SPDYE4: variants seen among roughly 807,000 people sequenced by gnomAD.
SPDYE4 encodes the protein speedy protein E4.
In SPDYE4, 30 loss-of-function variants were observed where a neutral mutation model predicts 37.5. The observed-to-expected ratio is 0.80, with a 90% CI of 0.60 to 1.09. SPDYE4 has a LOEUF of 1.09. SPDYE4 is among the 50% of genes least tolerant of loss of function. SPDYE4 has a pLI of 0.00. For missense variants in SPDYE4, 300 were observed against 307.9 expected, an observed-to-expected ratio of 0.97 and a Z score of 0.19; for synonymous variants, 131 against 120.3, an observed-to-expected ratio of 1.09 and a Z score of -0.58.
Position 8,750,986 on chromosome 17 carries a change from A to T in SPDYE4, c.*1296T>A, listed in dbSNP as rs1012112498. Among the ~76,000 whole-genome samples the T allele has an allele frequency of 5.3e-5, 8 of 152,204 alleles. No homozygotes were observed. The highest frequency in any genetic ancestry group is 1.9e-4 in the African/African-American group (8 of 41,446). ...AAGTAACATACAAACCTTTCAATACAAGCTAAAAAATTACGTCTGAATTCT... is the reference window on the plus strand; with the variant it reads ...AAGTAACATACAAACCTTTCAATACTAGCTAAAAAATTACGTCTGAATTCT... On this transcript the variant is annotated 3_prime_UTR_variant, in exon 7 of 7. Coordinates refer to ENST00000689094, the MANE Select transcript of SPDYE4 (RefSeq NM_001394956.1).
intron 4 of SPDYE4, 55 bp downstream of exon 4, chr17:8,755,465 G>T (rs186129667): frequency 3.8e-6 from 6 of 1,570,058 alleles, no homozygotes; most frequent in Non-Finnish European, 5.2e-6. Context: ...ATCCCACTTC[G>T]TCCACTGTCC....
rs371207062 is a variant in SPDYE4, at chr17:8,755,467, C to G, written c.485+53G>C. 841 of 1,576,096 alleles carry G rather than the reference C, an allele frequency of 5.3e-4. 2 individuals carry two copies. Among genetic ancestry groups the G allele is most frequent in the Non-Finnish European group, 6.8e-4 (787 of 1,152,974 alleles). ...ATGGAAGGTTGGAATCCCACTTCGT[C>G]CACTGTCCCAGGGTGTTGGATATTG... On this transcript the variant is annotated intron_variant, in intron 4 of 6. Coordinates refer to ENST00000689094, the MANE Select transcript of SPDYE4 (RefSeq NM_001394956.1).
intron 2 of SPDYE4, 65 bp downstream of exon 2, chr17:8,757,197 T>A: frequency 2.1e-6 from 3 of 1,444,828 alleles, no homozygotes; most frequent in Non-Finnish European, 2.8e-6. Flanking sequence ...GAAAGTGTGA[T>A]TATTGAAAGA....
chr17:8,758,394 A>C lies in SPDYE4; in HGVS notation c.-12T>G. 6.5e-7 allele frequency: 1 copy of C among 1,550,308 alleles called. No individual in the cohort carries two copies. Among genetic ancestry groups the C allele is most frequent in the Non-Finnish European group, 8.7e-7 (1 of 1,145,710 alleles). On this transcript the variant is annotated 5_prime_UTR_variant, in exon 1 of 7. Transcript: ENST00000689094. The stretch of plus-strand genomic sequence containing the variant: ...TGACCACTGGCCATAATCTCTCCCA[A>C]ACACTTTGTTTCTGTCCACAAAACC...
rs777433805 is a variant in SPDYE4 at position 8,757,383 on chromosome 17, G to A, written c.219C>T (p.Arg73=). 10 of 1,592,816 alleles carry A rather than the reference G, an allele frequency of 6.3e-6. No homozygotes were observed. Among genetic ancestry groups the A allele is most frequent in the South Asian group, 2.3e-5 (2 of 88,422 alleles). The change falls in exon 2 of 7, where the codon CGC becomes CGT. Residue 73 remains arginine, a synonymous_variant. Coordinates refer to ENST00000689094, the MANE Select transcript of SPDYE4 (RefSeq NM_001394956.1). ...CCCAGGTGTCCTCGGGCTCAGGGGCGCGCTCCAACTCCAGCTCCTCCTCCA... is the reference window on the plus strand; with the variant it reads ...CCCAGGTGTCCTCGGGCTCAGGGGCACGCTCCAACTCCAGCTCCTCCTCCA... ...EELEEELELE[R]APEPEDTWVV... is the part of the protein sequence containing the mutation.
Position 8,758,441 on chromosome 17 carries a change from C to T in SPDYE4, c.-59G>A. Reference sequence around the variant, plus strand: ...AACCTAGTCCCTGTTCTGTCCAAAGCCTTCTTCCAGACTCCGTTAGGACCC... The same window carrying T: ...AACCTAGTCCCTGTTCTGTCCAAAGTCTTCTTCCAGACTCCGTTAGGACCC... On this transcript the variant is annotated 5_prime_UTR_variant, in exon 1 of 7. Coordinates refer to ENST00000689094, the MANE Select transcript of SPDYE4 (RefSeq NM_001394956.1). 6.7e-7 allele frequency: 1 copy of T among 1,483,368 alleles called. No homozygotes were observed. Among genetic ancestry groups the T allele is most frequent in the Admixed American group, 2.0e-5 (1 of 50,874 alleles). 91.9% of individuals were successfully genotyped at this position (1,483,368 alleles called of 1,614,324 possible). A position where few individuals can be genotyped will look rare whatever the true frequency, so the allele number is the denominator to read the frequency against.
chr17:8,751,989 A>G lies in SPDYE4; in HGVS notation c.*293T>C, dbSNP rs969113263. 6.6e-6 allele frequency among the ~76,000 whole-genome samples: 1 copy of G among 152,156 alleles called. No individual in the cohort carries two copies. The highest frequency in any genetic ancestry group is 1.5e-5 in the Non-Finnish European group (1 of 68,032). ...CTGGGATTCAGCAACGTGAAAAGGG[A>G]GGTTTTGCCGCAGGAAGGGGTGGAA... On this transcript the variant is annotated 3_prime_UTR_variant, in exon 7 of 7. Coordinates refer to ENST00000689094, the MANE Select transcript of SPDYE4 (RefSeq NM_001394956.1).
At chr17:8,752,273 G>A (rs973255160) in intron 6 of SPDYE4, among the ~76,000 whole-genome samples, 36 bp from the exon 7 acceptor site, 41 of 152,282 alleles carry the variant, frequency 2.7e-4, no homozygotes, top group East Asian at 5.8e-4. Flanking sequence ...ACTTCAAGGA[G>A]GGAGATCTCT....
At position 8,757,507 on chromosome 17, in the gene SPDYE4, C is replaced by T. The variant is rs1344551251; in HGVS notation, c.110-15G>A. ...TATCCAAGGGGCTGAGTGAAGAAACCAGGCCATGGTGTCATGTTTCTGCCA... is the reference window on the plus strand; with the variant it reads ...TATCCAAGGGGCTGAGTGAAGAAACTAGGCCATGGTGTCATGTTTCTGCCA... On this transcript the variant is annotated splice_polypyrimidine_tract_variant and intron_variant, in intron 1 of 6. Transcript: ENST00000689094. 6.2e-7 allele frequency: 1 copy of T among 1,607,452 alleles called. No individual in the cohort carries two copies. The highest frequency in any genetic ancestry group is 1.3e-5 in the African/African-American group (1 of 74,956).
chr17:8,756,887 C>CTTTTATTTTA (rs566834233), intron 2 of SPDYE4, among the ~76,000 whole-genome samples: 9 of 151,536 alleles, frequency 5.9e-5, no homozygotes, highest in Non-Finnish European at 1.3e-4. Flanking sequence ...TTTCTTTTAT[C>CTTTTATTTTA]TTTTATTTTA....
At chr17:8,747,727 A>T (rs2086699618), downstream of SPDYE4, among the ~76,000 whole-genome samples, 1 of 152,222 alleles carries the variant, frequency 6.6e-6, no homozygotes, top group Non-Finnish European at 1.5e-5. Context: ...TTACAAGTTT[A>T]AATTCCAACC....
rs764469596 is a variant in SPDYE4 at position 8,758,404 on chromosome 17, T to A, written c.-22A>T. Reference sequence around the variant, plus strand: ...CCATAATCTCTCCCAAACACTTTGTTTCTGTCCACAAAACCTAGTCCCTGT... The same window carrying A: ...CCATAATCTCTCCCAAACACTTTGTATCTGTCCACAAAACCTAGTCCCTGT... On this transcript the variant is annotated 5_prime_UTR_variant, in exon 1 of 7. Coordinates refer to ENST00000689094, the MANE Select transcript of SPDYE4 (RefSeq NM_001394956.1). 2.6e-6 allele frequency: 4 copies of A among 1,547,090 alleles called. No homozygotes were observed. The South Asian group carries it at 4.8e-5, about 18-fold the overall frequency.
Position 8,757,401 on chromosome 17 carries a change from C to T in SPDYE4, c.201G>A (p.Glu67=). Reference sequence around the variant, plus strand: ...CAGGGGCGCGCTCCAACTCCAGCTCCTCCTCCAGCTCCTCCTCGGATTCGT... The same window carrying T: ...CAGGGGCGCGCTCCAACTCCAGCTCTTCCTCCAGCTCCTCCTCGGATTCGT... ...WSDESEEELE[E]ELELERAPEP... is the part of the protein sequence containing the mutation. The change falls in exon 2 of 7, where the codon GAG becomes GAA. Residue 67 remains glutamate (E), a synonymous_variant. Transcript: ENST00000689094. 6.3e-7 allele frequency: 1 copy of T among 1,590,552 alleles called. No individual in the cohort carries two copies. Among genetic ancestry groups the T allele is most frequent in the South Asian group, 1.1e-5 (1 of 88,152 alleles).
At chr17:8,755,877 G>A (rs1445074205) in intron 3 of SPDYE4, among the ~76,000 whole-genome samples, 9 of 152,110 alleles carry the variant, frequency 5.9e-5, no homozygotes, top group Non-Finnish European at 1.3e-4. Context: ...GGCTGCTAAT[G>A]TCAGGAGGGT....
intron 2 of SPDYE4, among the ~76,000 whole-genome samples, chr17:8,756,983 A>G (rs2086777786): frequency 6.6e-6 from 1 of 152,074 alleles, no homozygotes; most frequent in African/African-American, 2.4e-5. Context: ...TTGCAACTTC[A>G]AACTCCTGAG....
downstream of SPDYE4, among the ~76,000 whole-genome samples, chr17:8,750,560 A>G (rs867192939): frequency 6.6e-6 from 1 of 152,238 alleles, no homozygotes; most frequent in Middle Eastern, 3.4e-3. Context: ...AATACAAAAA[A>G]TTAGCCGAGC....
rs146275736 is a variant in SPDYE4 at position 8,752,487 on chromosome 17, G to A, written c.*45-250C>T. 3.0e-4 allele frequency among the ~76,000 whole-genome samples: 46 copies of A among 152,298 alleles called. 1 individual carries two copies. Among genetic ancestry groups the A allele is most frequent in the African/African-American group, 1.0e-3 (42 of 41,564 alleles). ...GCCCCAGTGATCTGCTTCATAGCAAGGACTTTGGGTGGCTCCACCCAGGGA... is the reference window on the plus strand; with the variant it reads ...GCCCCAGTGATCTGCTTCATAGCAAAGACTTTGGGTGGCTCCACCCAGGGA... On this transcript the variant is annotated intron_variant, in intron 6 of 6. Transcript: ENST00000689094.
At chr17:8,752,303 A>C (rs535756713) in intron 6 of SPDYE4, among the ~76,000 whole-genome samples, 66 bp from the exon 7 acceptor site, 1 of 152,342 alleles carries the variant, frequency 6.6e-6, no homozygotes, top group Admixed American at 6.5e-5. Flanking sequence ...GGTTATTCCC[A>C]TCCCACATCA....
chr17:8,750,593 C>T, downstream of SPDYE4, among the ~76,000 whole-genome samples: 1 of 151,984 alleles, frequency 6.6e-6, no homozygotes, highest in East Asian at 1.9e-4. Context: ...GCCTGTAGTC[C>T]CAGCTACTTG....
Sources: allele counts gnomAD v4.1 joint callset (sites outside exome capture counted in the v4.1 genomes callset), GRCh38; gene constraint gnomAD v4.1.1; transcripts MANE v1.5; gene names NCBI Gene and HGNC (gene_info 2026-07-23, HGNC 2026-07-21).